Variants in GALNTL6 observed in about 807,000 individuals in gnomAD.
GALNTL6 encodes polypeptide N-acetylgalactosaminyltransferase like 6, also known as polypeptide N-acetylgalactosaminyltransferase-like 6.
In GALNTL6, 46 loss-of-function variants were observed where a neutral mutation model predicts 73.7. The observed-to-expected ratio is 0.62, with a 90% CI of 0.49 to 0.80. GALNTL6 has a LOEUF of 0.80. Among genes scored for constraint, GALNTL6 ranks in the 30% least tolerant of loss-of-function variants. The pLI is 0.00. For missense variants in GALNTL6, 604 were observed against 755.0 expected (o/e 0.80, Z 2.34); for synonymous variants, 259 against 263.7 (o/e 0.98, Z 0.17).
intron 5 of GALNTL6, among the ~76,000 whole-genome samples, chr4:172,366,072 C>A (rs560534171): frequency 4.9e-4 from 74 of 152,230 alleles, no homozygotes; most frequent in African/African-American, 1.7e-3. Flanking sequence ...TTGTAATGTT[C>A]TTTTTCCTCA....
chr4:172,458,205 G>C (rs1732472731), intron 5 of GALNTL6, among the ~76,000 whole-genome samples: 1 of 151,752 alleles, frequency 6.6e-6, no homozygotes, highest in Non-Finnish European at 1.5e-5. Flanking sequence ...AGAATCTCTG[G>C]GACACATTTA....
chr4:173,020,742 G>C (rs953371221), intron 11 of GALNTL6, among the ~76,000 whole-genome samples: 1 of 152,158 alleles, frequency 6.6e-6, no homozygotes, highest in African/African-American at 2.4e-5. Context: ...ATTTGTTCCA[G>C]TAACATTTTA....
At chr4:172,519,995 TA>T (rs1000019123) in intron 5 of GALNTL6, among the ~76,000 whole-genome samples, 4 of 151,866 alleles carry the variant, frequency 2.6e-5, no homozygotes, top group Non-Finnish European at 2.9e-5. Flanking sequence ...TGCAAACTCA[TA>T]AAAGAAAAAT....
intron 8 of GALNTL6, among the ~76,000 whole-genome samples, chr4:172,908,040 A>C (rs1001869823): frequency 1.2e-4 from 19 of 152,300 alleles, no homozygotes; most frequent in African/African-American, 4.1e-4. Flanking sequence ...TCTTATAATC[A>C]AGGCTATCAG....
intron 5 of GALNTL6, among the ~76,000 whole-genome samples, chr4:172,356,146 G>C (rs1742147065): frequency 6.6e-6 from 1 of 152,118 alleles, no homozygotes; most frequent in African/African-American, 2.4e-5. Context: ...ACAAAGGCAT[G>C]ACTTCCTCAA....
intron 10 of GALNTL6, among the ~76,000 whole-genome samples, chr4:172,971,329 G>A (rs1322820631): frequency 6.6e-6 from 1 of 152,180 alleles, no homozygotes; most frequent in Non-Finnish European, 1.5e-5. Flanking sequence ...TCAAAAAGCA[G>A]TTATAAATAT....
chr4:172,459,253 T>C (rs1732521548), intron 5 of GALNTL6, among the ~76,000 whole-genome samples: 1 of 152,126 alleles, frequency 6.6e-6, no homozygotes, highest in South Asian at 2.1e-4. Context: ...CCACAGCCAA[T>C]ATCATACTGA....
chr4:172,213,421 C>A (rs1050632093), intron 2 of GALNTL6, among the ~76,000 whole-genome samples: 5 of 152,124 alleles, frequency 3.3e-5, no homozygotes, highest in Non-Finnish European at 5.9e-5. Context: ...TCCTCCCTAG[C>A]AATTGGTATT....
intron 11 of GALNTL6, among the ~76,000 whole-genome samples, chr4:173,014,929 C>A (rs1192870674): frequency 1.3e-5 from 2 of 152,124 alleles, no homozygotes; most frequent in Non-Finnish European, 1.5e-5. Context: ...TTCGCATAAT[C>A]CCCATGTGTC....
intron 5 of GALNTL6, among the ~76,000 whole-genome samples, chr4:172,689,200 T>C (rs1733113563): frequency 6.6e-6 from 1 of 152,170 alleles, no homozygotes; most frequent in Non-Finnish European, 1.5e-5. Flanking sequence ...GCTGAAGTAG[T>C]TTGGACTATT....
intron 3 of GALNTL6, among the ~76,000 whole-genome samples, chr4:172,300,860 C>A (rs1168049530): frequency 4.6e-5 from 7 of 152,100 alleles, no homozygotes; most frequent in Non-Finnish European, 1.0e-4. Context: ...AGTTGCTCTT[C>A]TCGAGGAGTA....
intron 8 of GALNTL6, among the ~76,000 whole-genome samples, chr4:172,911,506 A>T (rs1747201574): frequency 6.6e-6 from 1 of 152,204 alleles, no homozygotes; most frequent in Non-Finnish European, 1.5e-5. Flanking sequence ...CCAGATACAC[A>T]AGAAAATATC....
intron 10 of GALNTL6, among the ~76,000 whole-genome samples, chr4:173,004,663 C>A (rs988107862): frequency 6.6e-6 from 1 of 152,068 alleles, no homozygotes; most frequent in Non-Finnish European, 1.5e-5. Context: ...TAAATAAAAT[C>A]AACTATAGTC....
intron 5 of GALNTL6, among the ~76,000 whole-genome samples, chr4:172,497,044 A>G (rs1025335537): frequency 6.6e-6 from 1 of 152,240 alleles, no homozygotes; most frequent in Admixed American, 6.5e-5. Context: ...AAGCTAAAAA[A>G]TAAAGTGCCT....
At chr4:172,982,983 G>A (rs1325944092) in intron 10 of GALNTL6, among the ~76,000 whole-genome samples, 1 of 152,082 alleles carries the variant, frequency 6.6e-6, no homozygotes, top group African/African-American at 2.4e-5. Context: ...GACTCAGAAG[G>A]GTGAATGGGT....
intron 2 of GALNTL6, among the ~76,000 whole-genome samples, chr4:171,910,581 A>T (rs2110961354): frequency 6.6e-6 from 1 of 152,246 alleles, no homozygotes; most frequent in Non-Finnish European, 1.5e-5. Context: ...TAAAAAAAAA[A>T]ATCAGTTTAT....
At chr4:171,914,922 T>A (rs1184949401) in intron 2 of GALNTL6, among the ~76,000 whole-genome samples, 2 of 151,970 alleles carry the variant, frequency 1.3e-5, no homozygotes, top group South Asian at 2.1e-4. Context: ...CTCAGAAGAA[T>A]CATTTTCAGT....
At chr4:172,512,404 A>G (rs1042916389) in intron 5 of GALNTL6, among the ~76,000 whole-genome samples, 3 of 151,548 alleles carry the variant, frequency 2.0e-5, no homozygotes, top group Admixed American at 1.3e-4. Flanking sequence ...GCCATTCTGT[A>G]TCTTTTAAGT....
intron 2 of GALNTL6, among the ~76,000 whole-genome samples, chr4:171,904,686 T>C (rs1416942991): frequency 1.3e-5 from 2 of 152,004 alleles, no homozygotes. Flanking sequence ...CCAAGACACA[T>C]AATTATCAGA....
Sources: gnomAD v4.1 joint callset for allele counts (sites outside exome capture counted in the v4.1 genomes callset) on GRCh38, gnomAD v4.1.1 for gene constraint, MANE v1.5 for transcripts, NCBI Gene and HGNC (gene_info 2026-07-23, HGNC 2026-07-21) for gene names.